Variants in GALNT14 observed in about 807,000 individuals in gnomAD.
The protein encoded by GALNT14 is polypeptide N-acetylgalactosaminyltransferase 14, also known as UDP-GalNAc:polypeptide N-acetylgalactosaminyltransferase 14.
GALNT14 carries 60 observed loss-of-function variants against 77.5 expected under a neutral mutation model. That is an observed-to-expected ratio of 0.77 (90% CI 0.63 to 0.96). The LOEUF is 0.96. Among genes scored for constraint, GALNT14 ranks in the 40% least tolerant of loss-of-function variants. GALNT14 has a pLI of 0.00. For synonymous variants in GALNT14, 280 were observed against 281.7 expected, an observed-to-expected ratio of 0.99 and a Z score of 0.06; for missense variants, 710 against 731.0, an observed-to-expected ratio of 0.97 and a Z score of 0.33.
intron 1 of GALNT14, among the ~76,000 whole-genome samples, chr2:31,036,159 T>G (rs1672726217): frequency 6.6e-6 from 1 of 152,238 alleles, no homozygotes. Context: ...GTAGGATTTA[T>G]CTCTGTCATT....
chr2:30,906,704 C>T (rs1285533100), downstream of GALNT14, among the ~76,000 whole-genome samples: 4 of 152,086 alleles, frequency 2.6e-5, no homozygotes, highest in Non-Finnish European at 4.4e-5. Context: ...CTGCACCAAG[C>T]GGACCTAATA....
chr2:30,922,354 C>T (rs1183420395), intron 13 of GALNT14, among the ~76,000 whole-genome samples: 2 of 152,218 alleles, frequency 1.3e-5, no homozygotes, highest in African/African-American at 4.8e-5. Flanking sequence ...AATTCCCAAC[C>T]CTCTCCTGAG....
chr2:30,943,605 C>T (rs1425526164), intron 8 of GALNT14, among the ~76,000 whole-genome samples: 1 of 152,202 alleles, frequency 6.6e-6, no homozygotes, highest in African/African-American at 2.4e-5. Context: ...GGGAGCTGCA[C>T]AGCATCACCT....
chr2:30,931,606 C>A (rs894445587), intron 10 of GALNT14, among the ~76,000 whole-genome samples: 2 of 152,070 alleles, frequency 1.3e-5, no homozygotes, highest in Non-Finnish European at 2.9e-5. Context: ...GCTGGCCAGG[C>A]CCTGGAGCAG....
chr2:31,095,331 G>A (rs1046763656), intron 1 of GALNT14, among the ~76,000 whole-genome samples: 4 of 152,070 alleles, frequency 2.6e-5, no homozygotes, highest in African/African-American at 9.7e-5. Context: ...CCTGACAAAG[G>A]AGCAATTGCA....
the GALNT14 span, among the ~76,000 whole-genome samples, chr2:30,891,526 A>G: frequency 8.5e-5 from 13 of 152,362 alleles, no homozygotes; most frequent in Admixed American, 2.6e-4. Flanking sequence ...AACCAAGGTC[A>G]GCTTACATAA....
At chr2:31,064,571 C>T (rs1488432474) in intron 1 of GALNT14, among the ~76,000 whole-genome samples, 1 of 152,138 alleles carries the variant, frequency 6.6e-6, no homozygotes, top group Non-Finnish European at 1.5e-5. Flanking sequence ...TTAGATTATT[C>T]CATTTATAGA....
At chr2:31,087,782 A>C (rs1224575699) in intron 1 of GALNT14, among the ~76,000 whole-genome samples, 1 of 152,226 alleles carries the variant, frequency 6.6e-6, no homozygotes, top group Non-Finnish European at 1.5e-5. Context: ...CTATAGACTG[A>C]AGGTTTGTGT....
downstream of GALNT14, among the ~76,000 whole-genome samples, chr2:30,907,545 A>C (rs1664176821): frequency 6.6e-6 from 1 of 152,164 alleles, no homozygotes; most frequent in Admixed American, 6.5e-5. Context: ...CAATAACAGG[A>C]TCTGAAACTG....
At chr2:30,888,566 G>A in the GALNT14 span, among the ~76,000 whole-genome samples, 2 of 152,198 alleles carry the variant, frequency 1.3e-5, no homozygotes, top group Non-Finnish European at 2.9e-5. Context: ...TGGTCGCTGG[G>A]AAGGGTGTTA....
chr2:31,120,129 C>A lies in GALNT14; in HGVS notation c.129+17829G>T, dbSNP rs1678324556. Among the ~76,000 whole-genome samples, 2 of 64,370 alleles carry A rather than the reference C, an allele frequency of 3.1e-5. 1 individual carries two copies. Among genetic ancestry groups the A allele is most frequent in the African/African-American group, 8.2e-5 (2 of 24,350 alleles). 42.2% of individuals were successfully genotyped at this position (64,370 alleles called of 152,430 possible). On this transcript the variant is annotated intron_variant, in intron 1 of 14. Coordinates refer to ENST00000349752, the MANE Select transcript of GALNT14 (RefSeq NM_024572.4). The stretch of plus-strand genomic sequence containing the variant: ...CGAGATCGCGCCACTGCACTCCAGC[C>A]TGGGCGACAGAGCGAGACTCCGTCT...
chr2:31,050,779 T>G (rs1480155350), intron 1 of GALNT14, among the ~76,000 whole-genome samples: 43 of 49,780 alleles, frequency 8.6e-4, no homozygotes, highest in African/African-American at 2.6e-3. Flanking sequence ...TTTTTGTTTT[T>G]TTTTTTTTTT....
At chr2:30,985,969 G>A (rs1669273512) in intron 2 of GALNT14, among the ~76,000 whole-genome samples, 1 of 152,176 alleles carries the variant, frequency 6.6e-6, no homozygotes, top group Non-Finnish European at 1.5e-5. Flanking sequence ...CGAGTACAAG[G>A]AGAGAAATGA....
intron 1 of GALNT14, among the ~76,000 whole-genome samples, chr2:31,132,227 T>C (rs564337341): frequency 1.3e-5 from 2 of 152,294 alleles, no homozygotes; most frequent in Admixed American, 1.3e-4. Flanking sequence ...CAACCCAGAA[T>C]AGGCCAAAAA....
At chr2:30,899,190 G>A in the GALNT14 span, among the ~76,000 whole-genome samples, 2 of 152,214 alleles carry the variant, frequency 1.3e-5, no homozygotes, top group Non-Finnish European at 1.5e-5. Flanking sequence ...ATGAATGGAG[G>A]CGGGAACCCA....
chr2:31,057,486 T>G (rs1053689244), intron 1 of GALNT14, among the ~76,000 whole-genome samples: 8 of 150,228 alleles, frequency 5.3e-5, no homozygotes, highest in Non-Finnish European at 8.9e-5. Context: ...AATGTAAAGC[T>G]GGGCCAAGCC....
chr2:30,947,309 C>T (rs1268381446), intron 6 of GALNT14, among the ~76,000 whole-genome samples: 1 of 152,328 alleles, frequency 6.6e-6, no homozygotes, highest in South Asian at 2.1e-4. Context: ...AGCATAGCAT[C>T]CCAGACCATC....
intron 2 of GALNT14, among the ~76,000 whole-genome samples, chr2:30,989,640 ATATT>A (rs1325836511): frequency 7.2e-6 from 1 of 138,476 alleles, no homozygotes; most frequent in Non-Finnish European, 1.5e-5. Context: ...AAAAATATAT[ATATT>A]AGTATATATT....
intron 1 of GALNT14, among the ~76,000 whole-genome samples, chr2:31,007,908 T>C (rs137975535): frequency 0.015 from 2,221 of 152,242 alleles, 25 homozygotes; most frequent in Non-Finnish European, 0.023. Context: ...CCTATGCCCT[T>C]GCCCTCAACT....
Sources: allele counts gnomAD v4.1 joint callset (sites outside exome capture counted in the v4.1 genomes callset), GRCh38; gene constraint gnomAD v4.1.1; transcripts MANE v1.5; gene names NCBI Gene and HGNC (gene_info 2026-07-23, HGNC 2026-07-21).